RIPOR2: variants seen among roughly 807,000 people sequenced by gnomAD.
RIPOR2 encodes rho family-interacting cell polarization regulator 2.
Under a neutral mutation model 114.5 loss-of-function variants are expected in RIPOR2, and 39 were observed. That is an observed-to-expected ratio of 0.34 (90% CI 0.26 to 0.44). The LOEUF is 0.44. RIPOR2 is among the 20% of genes least tolerant of loss of function. The pLI is 1.00. For missense variants in RIPOR2, 1,007 were observed against 1,255.1 expected, an observed-to-expected ratio of 0.80 and a Z score of 2.99; for synonymous variants, 445 against 484.4, an observed-to-expected ratio of 0.92 and a Z score of 1.07.
intron 12 of RIPOR2, among the ~76,000 whole-genome samples, chr6:24,845,191 T>A (rs1762141741): frequency 6.6e-6 from 1 of 152,190 alleles, no homozygotes; most frequent in South Asian, 2.1e-4. Flanking sequence ...TATTAGTGAT[T>A]ATTGAACTGT....
chr6:24,839,654 A>G, intron 13 of RIPOR2: 1 of 1,538,760 alleles, frequency 6.5e-7, no homozygotes, highest in Non-Finnish European at 8.7e-7. Flanking sequence ...AACAAAAAAC[A>G]AAACCATGTC....
At chr6:24,911,690 G>C (rs1197763650) in intron 1 of RIPOR2, among the ~76,000 whole-genome samples, 4 of 152,134 alleles carry the variant, frequency 2.6e-5, no homozygotes, top group African/African-American at 9.7e-5. Flanking sequence ...GGGTCTGCCT[G>C]ATAGACAGAC....
At chr6:24,890,657 C>T (rs1401621270) in intron 1 of RIPOR2, among the ~76,000 whole-genome samples, 61 of 139,066 alleles carry the variant, frequency 4.4e-4, no homozygotes, top group South Asian at 4.7e-4. Context: ...AGATTTTTTT[C>T]TTTTTTTTTT....
intron 19 of RIPOR2, among the ~76,000 whole-genome samples, chr6:24,821,171 C>A (rs1425301360): frequency 6.8e-6 from 1 of 146,488 alleles, no homozygotes; most frequent in Non-Finnish European, 1.5e-5. Flanking sequence ...CCGCGCCCAG[C>A]CAGTTTAACA....
chr6:24,894,665 C>T (rs184076938), intron 1 of RIPOR2, among the ~76,000 whole-genome samples: 1 of 152,312 alleles, frequency 6.6e-6, no homozygotes, highest in East Asian at 1.9e-4. Context: ...CCTCCTGTTC[C>T]CCGTCCCCAG....
chr6:24,910,763 C>A, intron 1 of RIPOR2: 1 of 972,282 alleles, frequency 1.0e-6, no homozygotes, highest in Non-Finnish European at 1.2e-6. Context: ...ACAGACCTCA[C>A]CGCGTTGTAC....
intron 1 of RIPOR2, among the ~76,000 whole-genome samples, chr6:25,014,349 T>C (rs958540771): frequency 1.3e-5 from 2 of 152,192 alleles, no homozygotes; most frequent in African/African-American, 2.4e-5. Flanking sequence ...CCTGTAGCCT[T>C]TTCTACCTCA....
At chr6:24,870,711 G>A (rs181978671) in intron 5 of RIPOR2, among the ~76,000 whole-genome samples, 155 bp downstream of exon 5, 5 of 152,230 alleles carry the variant, frequency 3.3e-5, no homozygotes, top group African/African-American at 1.2e-4. Context: ...ATGGGATTTT[G>A]CCACATTGCC....
At chr6:24,838,951 GAAC>G (rs1761365118) in intron 14 of RIPOR2, 137 bp downstream of exon 14, 4 of 622,488 alleles carry the variant, frequency 6.4e-6, no homozygotes, top group Non-Finnish European at 8.1e-6. Flanking sequence ...CAATAAAAAG[GAAC>G]TGTAAGCCAA....
At chr6:25,024,197 C>A (rs1776482997) in intron 1 of RIPOR2, 21 of 1,437,990 alleles carry the variant, frequency 1.5e-5, no homozygotes, top group Non-Finnish European at 1.8e-5. Context: ...CAATGCAGGG[C>A]CTGGCGAGAA....
At chr6:25,025,123 C>T (rs6906443) in intron 1 of RIPOR2, among the ~76,000 whole-genome samples, 31,835 of 152,008 alleles carry the variant, frequency 0.21, 4,110 homozygotes, top group East Asian at 0.59. Context: ...TGATATGTAG[C>T]GGTCTCTTTA....
intron 1 of RIPOR2, among the ~76,000 whole-genome samples, chr6:24,885,270 T>A (rs2113945062): frequency 6.6e-6 from 1 of 152,268 alleles, no homozygotes; most frequent in South Asian, 2.1e-4. Flanking sequence ...GCTGGAGGGA[T>A]GGATTGCAAT....
At chr6:24,957,162 G>T (rs1413779974) in intron 1 of RIPOR2, among the ~76,000 whole-genome samples, 1 of 152,138 alleles carries the variant, frequency 6.6e-6, no homozygotes, top group African/African-American at 2.4e-5. Context: ...CATTTATAAA[G>T]GATGCAACAG....
chr6:24,872,503 G>A (rs1311058377), intron 4 of RIPOR2, among the ~76,000 whole-genome samples: 1 of 152,184 alleles, frequency 6.6e-6, no homozygotes, highest in Admixed American at 6.5e-5. Context: ...ACAAGCATGA[G>A]CTACCGTGCC....
At chr6:24,989,599 A>T (rs1415789656) in intron 1 of RIPOR2, among the ~76,000 whole-genome samples, 1 of 152,032 alleles carries the variant, frequency 6.6e-6, no homozygotes, top group Non-Finnish European at 1.5e-5. Flanking sequence ...CCAGCCTTGT[A>T]CTTTTCTTAA....
chr6:24,889,584 T>C (rs1767134741), intron 1 of RIPOR2, among the ~76,000 whole-genome samples: 1 of 152,138 alleles, frequency 6.6e-6, no homozygotes, highest in African/African-American at 2.4e-5. Flanking sequence ...CTGTGACCTA[T>C]TGTGTTTGTA....
intron 1 of RIPOR2, among the ~76,000 whole-genome samples, chr6:24,906,056 G>T (rs1308142166): frequency 6.6e-6 from 1 of 152,154 alleles, no homozygotes; most frequent in Non-Finnish European, 1.5e-5. Context: ...AGTACATAAG[G>T]TTGGTTTTCG....
At chr6:24,859,636 G>T (rs1001400391) in intron 8 of RIPOR2, among the ~76,000 whole-genome samples, 1 of 152,134 alleles carries the variant, frequency 6.6e-6, no homozygotes, top group African/African-American at 2.4e-5. Context: ...CGGATCTGCC[G>T]GAAGAGAAGC....
chr6:24,919,763 A>T (rs1046596700), intron 1 of RIPOR2, among the ~76,000 whole-genome samples: 1 of 152,338 alleles, frequency 6.6e-6, no homozygotes, highest in Non-Finnish European at 1.5e-5. Flanking sequence ...TGGGGTTTGC[A>T]TTCACAGAGG....
Sources: gnomAD v4.1 joint callset for allele counts (sites outside exome capture counted in the v4.1 genomes callset) on GRCh38, gnomAD v4.1.1 for gene constraint, MANE v1.5 for transcripts, NCBI Gene and HGNC (gene_info 2026-07-23, HGNC 2026-07-21) for gene names.